Variants in ANO6 observed in about 807,000 individuals in gnomAD.
The protein encoded by ANO6 is anoctamin 6.
Under a neutral mutation model 117.5 loss-of-function variants are expected in ANO6, and 106 were observed. That is an observed-to-expected ratio of 0.90 (90% CI 0.77 to 1.06). ANO6 has a LOEUF of 1.06. Among genes scored for constraint, ANO6 ranks in the 50% least tolerant of loss-of-function variants. ANO6 has a pLI of 0.00. For missense variants in ANO6, 955 were observed against 1,121.1 expected (o/e 0.85, Z 2.12); for synonymous variants, 367 against 385.1 (o/e 0.95, Z 0.55).
chr12:45,231,781 A>G (rs1055490912), intron 1 of ANO6, among the ~76,000 whole-genome samples: 2 of 152,194 alleles, frequency 1.3e-5, no homozygotes, highest in East Asian at 1.9e-4. Flanking sequence ...CATAGAGGAG[A>G]CATGAACATT....
chr12:45,386,863 G>T (rs1942313472), intron 10 of ANO6, among the ~76,000 whole-genome samples: 1 of 152,232 alleles, frequency 6.6e-6, no homozygotes, highest in South Asian at 2.1e-4. Context: ...CACCTGATCA[G>T]CTCTGAGGCA....
chr12:45,334,097 G>T (rs1940755530), intron 3 of ANO6, among the ~76,000 whole-genome samples: 1 of 151,756 alleles, frequency 6.6e-6, no homozygotes, highest in African/African-American at 2.4e-5. Flanking sequence ...ATGTAACTTG[G>T]GCCACTCATA....
chr12:45,226,984 CTTTTTTTTTTTTTT>C (rs906373347), intron 1 of ANO6, among the ~76,000 whole-genome samples: 2 of 112,766 alleles, frequency 1.8e-5, no homozygotes, highest in African/African-American at 6.9e-5. Flanking sequence ...TTATCATTTT[CTTTTTTTTTTTTTT>C]TTTTTTTGAA....
At position 45,379,927 on chromosome 12, in the gene ANO6, T is replaced by A. The variant is rs139865418; in HGVS notation, c.1165+1814T>A. ...AAGTGCTTTGTGTGGCTTTCCTTGT[T>A]ACTTCTGCTTTGAGAACTACTGCTG... On this transcript the variant is annotated intron_variant, in intron 10 of 19. Coordinates refer to ENST00000320560, the MANE Select transcript of ANO6 (RefSeq NM_001025356.3). 1.8e-3 allele frequency among the ~76,000 whole-genome samples: 279 copies of A among 152,348 alleles called. 1 individual carries two copies. The highest frequency in any genetic ancestry group is 6.5e-3 in the African/African-American group (269 of 41,580).
chr12:45,321,640 G>T (rs116875147), intron 2 of ANO6, among the ~76,000 whole-genome samples: 2,478 of 152,246 alleles, frequency 0.016, 39 homozygotes, highest in Non-Finnish European at 0.027. Context: ...TGAAATGACA[G>T]TCGCGTGTTG....
chr12:45,342,960 G>A (rs905119821), intron 3 of ANO6, among the ~76,000 whole-genome samples: 4 of 152,146 alleles, frequency 2.6e-5, no homozygotes. Context: ...CAAGAAGAGA[G>A]GTGGTGCCCA....
At chr12:45,343,871 G>A (rs1941050537) in intron 3 of ANO6, among the ~76,000 whole-genome samples, 1 of 150,562 alleles carries the variant, frequency 6.6e-6, no homozygotes. Flanking sequence ...ACTGGCATTT[G>A]CTCTCTCAGC....
At position 45,431,171 on chromosome 12, in the gene ANO6, C is replaced by T; in HGVS notation, c.*1860C>T. 12 of 985,274 alleles carry T rather than the reference C, an allele frequency of 1.2e-5. No individual in the cohort carries two copies. The highest frequency in any genetic ancestry group is 1.4e-5 in the Non-Finnish European group (12 of 829,828). 61.0% of individuals were successfully genotyped at this position (985,274 alleles called of 1,614,324 possible). ...TTAATGATGCAATCAGAGTTCAAGA[C>T]AGGCCCCATGAAGTCTGACTGCACT... On this transcript the variant is annotated 3_prime_UTR_variant, in exon 20 of 20. Coordinates refer to ENST00000320560, the MANE Select transcript of ANO6 (RefSeq NM_001025356.3).
chr12:45,376,758 T>C (rs959106048), intron 9 of ANO6, among the ~76,000 whole-genome samples: 30 of 150,158 alleles, frequency 2.0e-4, no homozygotes, highest in Admixed American at 6.0e-4. Flanking sequence ...TGCTAGATGA[T>C]GAGTTAGTGG....
At chr12:45,386,370 A>G (rs574062008) in intron 10 of ANO6, among the ~76,000 whole-genome samples, 1 of 152,330 alleles carries the variant, frequency 6.6e-6, no homozygotes, top group African/African-American at 2.4e-5. Flanking sequence ...GCATCTGATC[A>G]TAACCAAACC....
chr12:45,335,318 C>A (rs1323664153), intron 3 of ANO6, among the ~76,000 whole-genome samples: 1 of 151,882 alleles, frequency 6.6e-6, no homozygotes, highest in African/African-American at 2.4e-5. Context: ...GTTATAGAGC[C>A]TGTGAGCTTC....
chr12:45,245,874 T>C (rs1947817358), intron 1 of ANO6, among the ~76,000 whole-genome samples: 1 of 151,832 alleles, frequency 6.6e-6, no homozygotes, highest in African/African-American at 2.4e-5. Flanking sequence ...GTCTATAGAA[T>C]GAATCTGTTA....
downstream of ANO6, among the ~76,000 whole-genome samples, chr12:45,435,423 G>T (rs983969078): frequency 1.3e-5 from 2 of 152,146 alleles, no homozygotes; most frequent in African/African-American, 4.8e-5. Context: ...ACATATCTTT[G>T]TATCAGTCCT....
At chr12:45,251,097 C>A (rs889363417) in intron 1 of ANO6, among the ~76,000 whole-genome samples, 3 of 151,546 alleles carry the variant, frequency 2.0e-5, no homozygotes, top group African/African-American at 4.9e-5. Context: ...CACAAAAAAA[C>A]CCAAAATAGT....
intron 15 of ANO6, among the ~76,000 whole-genome samples, chr12:45,408,371 GCA>G (rs1420297567): frequency 1.3e-5 from 2 of 152,104 alleles, no homozygotes; most frequent in Non-Finnish European, 2.9e-5. Context: ...TGCCACAGGT[GCA>G]CACCTCATTT....
intron 1 of ANO6, among the ~76,000 whole-genome samples, chr12:45,246,974 C>T (rs1049703945): frequency 5.9e-5 from 9 of 152,034 alleles, no homozygotes; most frequent in African/African-American, 1.9e-4. Flanking sequence ...CTCTGTCGCC[C>T]AGGCTGGAGT....
intron 1 of ANO6, among the ~76,000 whole-genome samples, chr12:45,261,332 G>A (rs749978929): frequency 6.6e-6 from 1 of 152,180 alleles, no homozygotes; most frequent in South Asian, 2.1e-4. Context: ...GTAGAGGGCC[G>A]TTTTTAGTAT....
At chr12:45,228,915 C>T (rs532213724) in intron 1 of ANO6, among the ~76,000 whole-genome samples, 2 of 152,252 alleles carry the variant, frequency 1.3e-5, no homozygotes, top group East Asian at 3.9e-4. Context: ...ACCTTCTTCT[C>T]ATCCACCCTC....
At position 45,429,354 on chromosome 12, in the gene ANO6, T is replaced by C. The variant is rs956451846; in HGVS notation, c.*43T>C. The C allele has an allele frequency of 6.3e-7, 1 of 1,597,150 alleles. No individual in the cohort carries two copies. The highest frequency in any genetic ancestry group is 8.5e-7 in the Non-Finnish European group (1 of 1,172,262). On this transcript the variant is annotated 3_prime_UTR_variant, in exon 20 of 20. Coordinates refer to ENST00000320560, the MANE Select transcript of ANO6 (RefSeq NM_001025356.3). ...AAGCACTTTAAGGAATTTAGCTTTG[T>C]CAAAATATATTAGGAATCACTAATG... is the stretch of plus-strand genomic sequence containing the variant.
Sources: gnomAD v4.1 joint callset for allele counts (sites outside exome capture counted in the v4.1 genomes callset) on GRCh38, gnomAD v4.1.1 for gene constraint, MANE v1.5 for transcripts, NCBI Gene and HGNC (gene_info 2026-07-23, HGNC 2026-07-21) for gene names.